Variants in MUC17 observed in about 807,000 individuals in gnomAD.
MUC17 encodes mucin-17.
In MUC17, 190 loss-of-function variants were observed where a neutral mutation model predicts 170.3. That is an observed-to-expected ratio of 1.12 (90% CI 0.99 to 1.26). MUC17 has a LOEUF of 1.26. Ranked by LOEUF, MUC17 falls within the 50% of genes most tolerant of loss-of-function variation. The pLI is 0.00. For missense variants in MUC17, 6,415 were observed against 5,530.0 expected (o/e 1.16, Z -5.08); for synonymous variants, 2,325 against 2,002.5 (o/e 1.16, Z -4.30).
At chr7:101,049,216 C>A in intron 5 of MUC17, 108 bp from the exon 6 acceptor site, 2 of 1,509,204 alleles carry the variant, frequency 1.3e-6, no homozygotes, top group South Asian at 1.1e-5. Flanking sequence ...GATGAGTGTG[C>A]TATGATGCTG....
intron 6 of MUC17, 44 bp downstream of exon 6, chr7:101,049,426 C>T (rs1273912588): frequency 6.3e-7 from 1 of 1,588,324 alleles, no homozygotes; most frequent in African/African-American, 1.3e-5. Context: ...GGCGTGGAAG[C>T]AGTGGTCATA....
At chr7:101,052,740 T>C (rs1794972055) in intron 9 of MUC17, among the ~76,000 whole-genome samples, 1 of 152,106 alleles carries the variant, frequency 6.6e-6, no homozygotes, top group Non-Finnish European at 1.5e-5. Flanking sequence ...CCAACCGTCC[T>C]AGGTCCTGGG....
intron 11 of MUC17, among the ~76,000 whole-genome samples, chr7:101,054,103 G>A (rs1212212443): frequency 7.0e-6 from 1 of 141,878 alleles, no homozygotes; most frequent in African/African-American, 2.6e-5. Flanking sequence ...GAGTACATAG[G>A]AGGCACCTGG....
Position 101,043,475 on chromosome 7 carries a change from G to T in MUC17, c.12059G>T (p.Gly4020Val), listed in dbSNP as rs1415753756. 6.2e-7 allele frequency: 1 copy of T among 1,613,986 alleles called. No individual in the cohort carries two copies. Among genetic ancestry groups the T allele is most frequent in the East Asian group, 2.2e-5 (1 of 44,878 alleles). The part of the protein sequence containing the change: ...APSTPRTTSR[G>V]CTTSASTLSA... ...AGCACACCCAGAACAACCAGCAGAG[G>T]CTGCACTACTTCTGCATCAACGCTT... The change falls in exon 3 of 13, where the codon GGC (glycine) becomes GTC (valine). Residue 4020 changes from glycine to valine, a missense_variant. Gly to Val is a moderately radical substitution (Grantham distance 109). Transcript: ENST00000306151.
In MUC17 at chr7:101,037,085, C is replaced by A. The variant is rs775430087; in HGVS notation, c.5669C>A (p.Thr1890Asn). 2 of 1,582,680 alleles carry A rather than the reference C, an allele frequency of 1.3e-6. No homozygotes were observed. Among genetic ancestry groups the A allele is most frequent in the Non-Finnish European group, 1.7e-6 (2 of 1,177,804 alleles). ...TCTGAAACCAACACCCTTTCAACAACTCCCGCTGTCACCAGCACACCTGTG... is the reference window on the plus strand; with the variant it reads ...TCTGAAACCAACACCCTTTCAACAAATCCCGCTGTCACCAGCACACCTGTG... ...ASSETNTLST[T>N]PAVTSTPVTT... Residue 1890 changes from threonine to asparagine, a missense_variant, in exon 3 of 13, where the codon ACT (threonine) becomes AAT (asparagine). By Grantham distance (65) the Thr-to-Asn change is moderately conservative (BLOSUM62 0). Coordinates refer to ENST00000306151, the MANE Select transcript of MUC17 (RefSeq NM_001040105.2).
At position 101,040,389 on chromosome 7, in the gene MUC17, T is replaced by C; in HGVS notation, c.8973T>C (p.Ser2991=). Residue 2991 remains serine (S), a synonymous_variant, in exon 3 of 13, where the codon AGT becomes AGC. Transcript: ENST00000306151. ...TPGERRTPLT[S]MSVSTMPVAS... ...GCGAAAGAAGAACTCCATTAACAAG[T>C]ATGTCTGTCAGCACCATGCCGGTGG... The C allele has an allele frequency of 6.2e-7, 1 of 1,612,132 alleles. No individual in the cohort carries two copies.
chr7:101,027,830 G>A (rs1359640716), intron 1 of MUC17, among the ~76,000 whole-genome samples: 1 of 151,876 alleles, frequency 6.6e-6, no homozygotes, highest in Non-Finnish European at 1.5e-5. Context: ...GGAGTGCAGT[G>A]ATGCAATCTG....
chr7:101,039,331 C>T lies in MUC17; in HGVS notation c.7915C>T (p.Leu2639Phe), dbSNP rs919636469. 2 of 1,613,370 alleles carry T rather than the reference C, an allele frequency of 1.2e-6. No homozygotes were observed. The highest frequency in any genetic ancestry group is 1.7e-6 in the Non-Finnish European group (2 of 1,179,604). Residue 2639 changes from leucine to phenylalanine, a missense_variant, in exon 3 of 13, where the codon CTT becomes TTT. By Grantham distance (22) the Leu-to-Phe change is conservative. Transcript: ENST00000306151. The stretch of plus-strand genomic sequence containing the variant: ...AGTAAGTACTTCATTAACAAGTATA[C>T]TTGTCAGCACCATGCCAGTGGCCAG... Reference protein sequence around the residue: ...SEVSTSLTSILVSTMPVASSE... With the variant: ...SEVSTSLTSIFVSTMPVASSE...
In MUC17 at chr7:101,041,720, A is replaced by T. The variant is rs749638521; in HGVS notation, c.10304A>T (p.Glu3435Val). ...DSNTLVTTST[E>V]ASSSPTIAEG... ...AACACTCTGGTGACCACTTCTACTGAAGCCAGTTCATCTCCTACAATCGCT... is the reference window on the plus strand; with the variant it reads ...AACACTCTGGTGACCACTTCTACTGTAGCCAGTTCATCTCCTACAATCGCT... Residue 3435 changes from glutamate (E) to valine (V), a missense_variant, in exon 3 of 13, where the codon GAA (glutamate) becomes GTA (valine). By Grantham distance (121) the Glu-to-Val change is moderately radical (BLOSUM62 -2). Coordinates refer to ENST00000306151, the MANE Select transcript of MUC17 (RefSeq NM_001040105.2). 31 of 1,612,600 alleles carry T rather than the reference A, an allele frequency of 1.9e-5. No homozygotes were observed. The highest frequency in any genetic ancestry group is 5.1e-6 in the Non-Finnish European group (6 of 1,179,798).
chr7:101,051,877 A>C lies in MUC17; in HGVS notation c.13018A>C (p.Ile4340Leu). 1 of 1,614,236 alleles carries C rather than the reference A, an allele frequency of 6.2e-7. No homozygotes were observed. Residue 4340 changes from isoleucine to leucine, a missense_variant, in exon 9 of 13, where the codon ATC becomes CTC. Ile to Leu is a conservative substitution (Grantham distance 5). Transcript: ENST00000306151. The stretch of plus-strand genomic sequence containing the variant: ...GTACCGGGACCAGAAGCCATACTGC[A>C]TCAGCCCCTGTGAGCCTGGCTTCAG... ...VEYRDQKPYC[I>L]SPCEPGFSVS...
At position 101,056,280 on chromosome 7, in the gene MUC17, G is replaced by T; in HGVS notation, c.13440+10G>T. The stretch of plus-strand genomic sequence containing the variant: ...AGACCCTGAAACAAAGGTAAGAAGG[G>T]CCTGGATGGGATGCTGGCCTCCCCC... On this transcript the variant is annotated intron_variant, in intron 12 of 12. Coordinates refer to ENST00000306151, the MANE Select transcript of MUC17 (RefSeq NM_001040105.2). 1 of 1,613,438 alleles carries T rather than the reference G, an allele frequency of 6.2e-7. No homozygotes were observed. The highest frequency in any genetic ancestry group is 8.5e-7 in the Non-Finnish European group (1 of 1,179,628).
chr7:101,027,250 G>A (rs1199340075), intron 1 of MUC17, among the ~76,000 whole-genome samples: 8 of 152,080 alleles, frequency 5.3e-5, no homozygotes, highest in African/African-American at 1.4e-4. Flanking sequence ...GGTAGTAAGT[G>A]AGGTTGGGGG....
Position 101,033,145 on chromosome 7 carries a change from G to T in MUC17, c.1729G>T (p.Val577Phe), listed in dbSNP as rs147282404. Residue 577 changes from valine to phenylalanine, a missense_variant, in exon 3 of 13, where the codon GTC becomes TTC. Val to Phe is a conservative substitution (Grantham distance 50). Coordinates refer to ENST00000306151, the MANE Select transcript of MUC17 (RefSeq NM_001040105.2). ...EGSTPLTNMPVSTRLVVSSEA... is the reference protein window; with the variant it reads ...EGSTPLTNMPFSTRLVVSSEA... ...AAGCACTCCATTAACAAACATGCCT[G>T]TCAGCACCAGGCTGGTGGTCAGTTC... 1 of 1,611,828 alleles carries T rather than the reference G, an allele frequency of 6.2e-7. No individual in the cohort carries two copies. Among genetic ancestry groups the T allele is most frequent in the Non-Finnish European group, 8.5e-7 (1 of 1,178,700 alleles).
At position 101,037,733 on chromosome 7, in the gene MUC17, G is replaced by T. The variant is rs769288121; in HGVS notation, c.6317G>T (p.Ser2106Ile). The T allele has an allele frequency of 1.2e-6, 2 of 1,613,398 alleles. No homozygotes were observed. Among genetic ancestry groups the T allele is most frequent in the Admixed American group, 1.7e-5 (1 of 59,924 alleles). Residue 2106 changes from serine (S) to isoleucine (I), a missense_variant, in exon 3 of 13, where the codon AGT (serine) becomes ATT (isoleucine). Coordinates refer to ENST00000306151, the MANE Select transcript of MUC17 (RefSeq NM_001040105.2). ...AGTGAAGGAAGTCCTCTACTAACAA[G>T]TATACCTCTCAGCACCACGCCGGTG... Reference protein sequence around the residue: ...APSEGSPLLTSIPLSTTPVAS... With the variant: ...APSEGSPLLTIIPLSTTPVAS...
intron 3 of MUC17, among the ~76,000 whole-genome samples, chr7:101,046,470 T>C (rs373275388): frequency 6.6e-6 from 1 of 152,212 alleles, no homozygotes; most frequent in Non-Finnish European, 1.5e-5. Flanking sequence ...ATTTGTTGAA[T>C]TGCAATTTAA....
intron 4 of MUC17, 27 bp downstream of exon 4, chr7:101,048,142 A>C: frequency 6.5e-7 from 1 of 1,532,016 alleles, no homozygotes; most frequent in Admixed American, 2.0e-5. Context: ...GCCTTCCCCC[A>C]CCCCATGCCC....
At chr7:101,044,887 C>T (rs890558940) in intron 3 of MUC17, among the ~76,000 whole-genome samples, 10 of 152,040 alleles carry the variant, frequency 6.6e-5, no homozygotes, top group Admixed American at 2.6e-4. Flanking sequence ...TTCATCTTAT[C>T]CTCTGAGCAC....
chr7:101,042,147 A>T lies in MUC17; in HGVS notation c.10731A>T (p.Ser3577=). 6.2e-7 allele frequency: 1 copy of T among 1,614,188 alleles called. No homozygotes were observed. The highest frequency in any genetic ancestry group is 8.5e-7 in the Non-Finnish European group (1 of 1,180,028). Residue 3577 remains serine (S), a synonymous_variant, in exon 3 of 13, where the codon TCA becomes TCT. Coordinates refer to ENST00000306151, the MANE Select transcript of MUC17 (RefSeq NM_001040105.2). ...CTACTCCAAGTGAAGGAAGCTCTTC[A>T]TTAACAACTATGCTCCTCAGCAGCA... is the stretch of plus-strand genomic sequence containing the variant. ...RMSTPSEGSS[S]LTTMLLSSTY...
At position 101,033,504 on chromosome 7, in the gene MUC17, C is replaced by T; in HGVS notation, c.2088C>T (p.Asn696=). The T allele has an allele frequency of 6.2e-7, 1 of 1,614,136 alleles. No individual in the cohort carries two copies. Among genetic ancestry groups the T allele is most frequent in the Non-Finnish European group, 8.5e-7 (1 of 1,180,020 alleles). The change falls in exon 3 of 13, where the codon AAC becomes AAT. Residue 696 remains asparagine (N), a synonymous_variant. Coordinates refer to ENST00000306151, the MANE Select transcript of MUC17 (RefSeq NM_001040105.2). ...GSTPLTSMPV[N]TTLVASSEAS... Reference sequence around the variant, plus strand: ...CTCCATTAACAAGTATGCCTGTCAACACCACACTGGTGGCCAGTTCTGAGG... The same window carrying T: ...CTCCATTAACAAGTATGCCTGTCAATACCACACTGGTGGCCAGTTCTGAGG...
Sources: allele counts gnomAD v4.1 joint callset (sites outside exome capture counted in the v4.1 genomes callset), GRCh38; gene constraint gnomAD v4.1.1; transcripts MANE v1.5; gene names NCBI Gene and HGNC (gene_info 2026-07-23, HGNC 2026-07-21).